The following SNAP29 variants were observed in gnomAD, a reference collection of about 807,000 sequenced individuals.
The protein encoded by SNAP29 is synaptosome associated protein 29.
Under a neutral mutation model 27.9 loss-of-function variants are expected in SNAP29, and 13 were observed. The observed-to-expected ratio is 0.47, with a 90% confidence interval of 0.30 to 0.74. The LOEUF (loss-of-function observed/expected upper bound fraction) is 0.74. Among genes scored for constraint, SNAP29 ranks in the 30% least tolerant of loss-of-function variants. SNAP29 has a pLI of 0.06. For synonymous variants in SNAP29, 119 were observed against 127.1 expected (o/e 0.94, Z 0.43); for missense variants, 368 against 336.5 (o/e 1.09, Z -0.73).
intron 4 of SNAP29, among the ~76,000 whole-genome samples, chr22:20,885,704 G>A (rs962738875): frequency 2.0e-5 from 3 of 152,226 alleles, no homozygotes; most frequent in Admixed American, 6.5e-5. Flanking sequence ...CACTGTGGAC[G>A]AGCAGCTGGG....
In SNAP29 at chr22:20,888,052, C is replaced by A. The variant is rs1293358277; in HGVS notation, c.*216C>A. On this transcript the variant is annotated 3_prime_UTR_variant, in exon 5 of 5. Transcript: ENST00000215730. The stretch of plus-strand genomic sequence containing the variant: ...CTCACCAAGTTCTTCCAGCAAAATG[C>A]TTATTAGAGTTTTTGTCTGAGCACA... The A allele has an allele frequency of 1.8e-6, 1 of 560,140 alleles. No individual in the cohort carries two copies. The highest frequency in any genetic ancestry group is 3.2e-5 in the East Asian group (1 of 31,702). The allele number at this position is 560,140 out of a possible 1,614,324, so 34.7% of individuals were successfully genotyped here. A position where few individuals can be genotyped will look rare whatever the true frequency, so the allele number is the denominator to read the frequency against.
At chr22:20,880,637 G>C (rs1299100962) in intron 2 of SNAP29, among the ~76,000 whole-genome samples, 1 of 152,134 alleles carries the variant, frequency 6.6e-6, no homozygotes, top group Non-Finnish European at 1.5e-5. Flanking sequence ...CATCTGCCTG[G>C]TCCTAGGAAT....
chr22:20,874,754 C>A (rs117378427), intron 2 of SNAP29, among the ~76,000 whole-genome samples: 1 of 151,868 alleles, frequency 6.6e-6, no homozygotes, highest in Non-Finnish European at 1.5e-5. Context: ...TTTAAACATC[C>A]GCCATTTCCC....
At chr22:20,880,013 A>AAAC (rs361532) in intron 2 of SNAP29, among the ~76,000 whole-genome samples, 126,961 of 149,966 alleles carry the variant, frequency 0.85, 54,380 homozygotes, top group African/African-American at 0.96. Context: ...ACCCTATCTC[A>AAAC]AACAACAACA....
chr22:20,862,642 G>A (rs768353309), intron 1 of SNAP29, among the ~76,000 whole-genome samples: 2 of 152,172 alleles, frequency 1.3e-5, no homozygotes, highest in Admixed American at 6.5e-5. Flanking sequence ...TATGCAGTGG[G>A]GACAGTGAGA....
chr22:20,864,258 A>G (rs1928404600), intron 1 of SNAP29, among the ~76,000 whole-genome samples: 1 of 152,178 alleles, frequency 6.6e-6, no homozygotes, highest in Non-Finnish European at 1.5e-5. Flanking sequence ...ATCAATGGAA[A>G]GGGACAGAGT....
intron 2 of SNAP29, among the ~76,000 whole-genome samples, chr22:20,872,826 T>C: frequency 8.4e-6 from 1 of 119,222 alleles, no homozygotes; most frequent in East Asian, 2.4e-4. Context: ...CAGGCTTTTT[T>C]TTTTTTTTTT....
In SNAP29 at chr22:20,890,388, A is replaced by C; in HGVS notation, c.*2552A>C. ...AGACAGATTTTGATTTCCACAGTTG[A>C]GCTGGAAACAAACTGTGCCTTCAAA... is the stretch of plus-strand genomic sequence containing the variant. On this transcript the variant is annotated 3_prime_UTR_variant, in exon 5 of 5. Coordinates refer to ENST00000215730, the MANE Select transcript of SNAP29 (RefSeq NM_004782.4). 1 of 398,574 alleles carries C rather than the reference A, an allele frequency of 2.5e-6. No homozygotes were observed. 24.7% of individuals were successfully genotyped at this position (398,574 alleles called of 1,614,324 possible).
chr22:20,870,935 G>C lies in SNAP29; in HGVS notation c.434+402G>C. The C allele has an allele frequency of 1.5e-5, 5 of 325,536 alleles. 1 individual carries two copies. Among genetic ancestry groups the C allele is most frequent in the South Asian group, 1.3e-4 (5 of 39,014 alleles). The allele number at this position is 325,536 out of a possible 1,614,324, so 20.2% of individuals were successfully genotyped here. ...GTAGATTGCTTAAGCCCAGGAGCTC[G>C]AGACCAGCCTGGGCAACATAGTGGG... is the stretch of plus-strand genomic sequence containing the variant. On this transcript the variant is annotated intron_variant, in intron 2 of 4. Coordinates refer to ENST00000215730, the MANE Select transcript of SNAP29 (RefSeq NM_004782.4).
At chr22:20,879,655 G>A (rs1441053362) in intron 2 of SNAP29, among the ~76,000 whole-genome samples, 1 of 151,902 alleles carries the variant, frequency 6.6e-6, no homozygotes, top group African/African-American at 2.4e-5. Context: ...TGACCAGCCT[G>A]CCCAACATGG....
At chr22:20,885,686 A>T (rs1928997070) in intron 4 of SNAP29, among the ~76,000 whole-genome samples, 1 of 152,236 alleles carries the variant, frequency 6.6e-6, no homozygotes. Context: ...CTGAGGGTGC[A>T]CAGTTGGCAC....
intron 2 of SNAP29, among the ~76,000 whole-genome samples, chr22:20,875,185 G>A (rs556142669): frequency 2.1e-4 from 32 of 152,216 alleles, no homozygotes; most frequent in Non-Finnish European, 4.0e-4. Flanking sequence ...TTTCAGTGAG[G>A]TGGGCTTTGT....
chr22:20,865,517 G>A (rs947673183), intron 1 of SNAP29, among the ~76,000 whole-genome samples: 4 of 152,110 alleles, frequency 2.6e-5, no homozygotes, highest in African/African-American at 9.7e-5. Context: ...ACCTTGCTTT[G>A]CTGACCAGGA....
At position 20,888,310 on chromosome 22, in the gene SNAP29, T is replaced by TACACACACACACACAC. The variant is rs1929068802; in HGVS notation, c.*474_*475insACACACACACACACAC. 2 of 182,428 alleles carry TACACACACACACACAC rather than the reference T, an allele frequency of 1.1e-5. No individual in the cohort carries two copies. Among genetic ancestry groups the TACACACACACACACAC allele is most frequent in the African/African-American group, 1.0e-4 (2 of 19,452 alleles). The allele number at this position is 182,428 out of a possible 1,614,324, so 11.3% of individuals were successfully genotyped here. A position where few individuals can be genotyped will look rare whatever the true frequency, so the allele number is the denominator to read the frequency against. The stretch of plus-strand genomic sequence containing the variant: ...CCACACCTTTGTTTAGGAGTCATCA[T>TACACACACACACACAC]TCACACACACACACACACACACACA... On this transcript the variant is annotated 3_prime_UTR_variant, in exon 5 of 5. Coordinates refer to ENST00000215730, the MANE Select transcript of SNAP29 (RefSeq NM_004782.4).
intron 2 of SNAP29, among the ~76,000 whole-genome samples, chr22:20,872,634 T>A: frequency 6.6e-6 from 1 of 151,988 alleles, no homozygotes; most frequent in Non-Finnish European, 1.5e-5. Flanking sequence ...CCTCCTGACT[T>A]CGTGATCCAT....
intron 2 of SNAP29, among the ~76,000 whole-genome samples, chr22:20,874,161 G>A (rs1296666594): frequency 2.0e-5 from 3 of 148,446 alleles, no homozygotes; most frequent in Non-Finnish European, 4.5e-5. Flanking sequence ...TGTGGTCCCA[G>A]CTACTCGGGA....
intron 4 of SNAP29, 33 bp from the exon 5 acceptor site, chr22:20,887,646 C>G (rs1466414570): frequency 1.2e-6 from 2 of 1,613,834 alleles, no homozygotes; most frequent in Non-Finnish European, 1.7e-6. Flanking sequence ...TGACTGTTTG[C>G]TCATGCCTGC....
chr22:20,884,621 G>C (rs1200695736), intron 4 of SNAP29, among the ~76,000 whole-genome samples: 2 of 152,152 alleles, frequency 1.3e-5, no homozygotes, highest in South Asian at 2.1e-4. Flanking sequence ...GTTTCCAGGG[G>C]GCTGCCCTGG....
chr22:20,880,719 A>G (rs185691115), intron 2 of SNAP29, among the ~76,000 whole-genome samples: 2 of 152,078 alleles, frequency 1.3e-5, no homozygotes, highest in African/African-American at 4.8e-5. Flanking sequence ...TTCAGTAAAG[A>G]CAAGGTCTCA....
Sources: gnomAD v4.1 joint callset for allele counts (sites outside exome capture counted in the v4.1 genomes callset) on GRCh38, gnomAD v4.1.1 for gene constraint, MANE v1.5 for transcripts, NCBI Gene and HGNC (gene_info 2026-07-23, HGNC 2026-07-21) for gene names.